MTF2: variants seen among roughly 807,000 people sequenced by gnomAD.
The protein encoded by MTF2 is metal-response element-binding transcription factor 2.
In MTF2, 11 loss-of-function variants were observed where a neutral mutation model predicts 79.5. The ratio of observed to expected loss-of-function variants is 0.14; its 90% CI spans 0.09 to 0.23. MTF2 has a LOEUF of 0.23. Ranked by LOEUF, MTF2 falls within the 10% of genes least tolerant of loss-of-function variation. The pLI is 1.00. For missense variants in MTF2, 486 were observed against 711.2 expected (o/e 0.68, Z 3.60); for synonymous variants, 208 against 232.8 (o/e 0.89, Z 0.97).
intron 1 of MTF2, among the ~76,000 whole-genome samples, chr1:93,096,371 CA>C (rs1365267206): frequency 6.6e-6 from 1 of 152,126 alleles, no homozygotes; most frequent in Non-Finnish European, 1.5e-5. Flanking sequence ...TTACAACTTC[CA>C]AGTCTTCACT....
At chr1:93,090,391 C>T (rs1272230522) in intron 1 of MTF2, among the ~76,000 whole-genome samples, 20 of 149,178 alleles carry the variant, frequency 1.3e-4, no homozygotes, top group Admixed American at 1.0e-3. Context: ...GGATTACAGG[C>T]GTGAGCCACT....
At chr1:93,079,609 A>G in intron 1 of MTF2, 78 bp downstream of exon 1, 2 of 1,569,206 alleles carry the variant, frequency 1.3e-6, no homozygotes, top group Non-Finnish European at 1.8e-6. Flanking sequence ...GGAAGCAAGT[A>G]TAAAAGGGAA....
intron 1 of MTF2, among the ~76,000 whole-genome samples, chr1:93,083,633 A>G (rs190542352): frequency 6.6e-6 from 1 of 152,164 alleles, no homozygotes; most frequent in Non-Finnish European, 1.5e-5. Context: ...GTTTTGAGGA[A>G]CTGCCAAACT....
intron 6 of MTF2, 28 bp from the exon 7 acceptor site, chr1:93,118,317 G>C (rs753166282): frequency 1.6e-6 from 2 of 1,234,708 alleles, no homozygotes; most frequent in Middle Eastern, 2.0e-4. Context: ...AGGAATTTTA[G>C]TGTTAACTTT....
chr1:93,134,424 G>A, intron 14 of MTF2: 1 of 487,700 alleles, frequency 2.1e-6, no homozygotes, highest in Non-Finnish European at 3.6e-6. Flanking sequence ...GAAATTTGCT[G>A]TGTACACAGA....
Position 93,137,377 on chromosome 1 carries a change from ACAT to A in MTF2, c.*354_*356del, listed in dbSNP as rs1237892721. 1 of 180,240 alleles carries A rather than the reference ACAT, an allele frequency of 5.5e-6. No individual in the cohort carries two copies. The highest frequency in any genetic ancestry group is 2.4e-5 in the African/African-American group (1 of 42,298). 11.2% of individuals were successfully genotyped at this position (180,240 alleles called of 1,614,324 possible). A position where few individuals can be genotyped will look rare whatever the true frequency, so the allele number is the denominator to read the frequency against. On this transcript the variant is annotated 3_prime_UTR_variant, in exon 15 of 15. Coordinates refer to ENST00000370298, the MANE Select transcript of MTF2 (RefSeq NM_007358.4). ...TTGTGATTAGTGATTATCAGAGCAA[ACAT>A]CATGTAGATAGCACAAGTATTTGGA...
At chr1:93,133,059 A>ATTTGGCTTTC (rs1647210879) in intron 11 of MTF2, among the ~76,000 whole-genome samples, 1 of 147,516 alleles carries the variant, frequency 6.8e-6, no homozygotes, top group African/African-American at 2.7e-5. Flanking sequence ...ATTTGGCTTT[A>ATTTGGCTTTC]TGTTTAAAAA....
intron 5 of MTF2, 27 bp from the exon 6 acceptor site, chr1:93,115,443 T>C: frequency 6.7e-7 from 1 of 1,495,212 alleles, no homozygotes; most frequent in South Asian, 1.3e-5. Context: ...GCCTTCACTC[T>C]TTCACATTTT....
intron 6 of MTF2, among the ~76,000 whole-genome samples, chr1:93,117,097 T>G (rs1220435792): frequency 1.3e-5 from 2 of 152,190 alleles, no homozygotes; most frequent in African/African-American, 4.8e-5. Context: ...GGTGAGCACA[T>G]GAACCTAGAA....
chr1:93,124,371 G>A (rs1422422861), intron 9 of MTF2, among the ~76,000 whole-genome samples: 1 of 152,022 alleles, frequency 6.6e-6, no homozygotes, highest in Non-Finnish European at 1.5e-5. Context: ...TTTAAAATGA[G>A]ATATTAGTAC....
chr1:93,098,517 G>A (rs911813302), intron 1 of MTF2, among the ~76,000 whole-genome samples: 5 of 152,170 alleles, frequency 3.3e-5, no homozygotes, highest in African/African-American at 1.2e-4. Context: ...GAGCCATTGA[G>A]TTTAAATACA....
chr1:93,120,369 T>C (rs1209169696), intron 8 of MTF2, 180 bp from the exon 9 acceptor site: 4 of 438,422 alleles, frequency 9.1e-6, no homozygotes, highest in Middle Eastern at 1.2e-3. Context: ...TCAGAATAAG[T>C]GAATGTTTAG....
At chr1:93,115,161 A>C (rs1383691743) in intron 5 of MTF2, 73 bp downstream of exon 5, 11 of 1,158,254 alleles carry the variant, frequency 9.5e-6, no homozygotes, top group Non-Finnish European at 1.3e-5. Context: ...GATTGTGTAC[A>C]CTGAAAGTTT....
chr1:93,105,909 C>T (rs370144953), intron 1 of MTF2, among the ~76,000 whole-genome samples: 6 of 152,242 alleles, frequency 3.9e-5, no homozygotes, highest in East Asian at 3.9e-4. Context: ...CTCCTGACCT[C>T]GTGATCTGCC....
intron 1 of MTF2, among the ~76,000 whole-genome samples, chr1:93,086,117 T>A (rs1654823382): frequency 2.0e-5 from 3 of 152,218 alleles, no homozygotes; most frequent in African/African-American, 7.2e-5. Context: ...TATAATCTTA[T>A]GGGACCACTG....
chr1:93,079,579 T>A (rs1160061205), intron 1 of MTF2, 48 bp downstream of exon 1: 6 of 1,605,538 alleles, frequency 3.7e-6, no homozygotes, highest in Non-Finnish European at 5.1e-6. Context: ...GAGATGGGGG[T>A]TGGGGGAAGG....
In MTF2 at chr1:93,138,361, T is replaced by C. The variant is rs1439750678; in HGVS notation, c.*1334T>C. 1 of 152,194 alleles carries C rather than the reference T, an allele frequency of 6.6e-6. No homozygotes were observed. The highest frequency in any genetic ancestry group is 2.4e-5 in the African/African-American group (1 of 41,464). 9.4% of individuals were successfully genotyped at this position (152,194 alleles called of 1,614,324 possible). A position where few individuals can be genotyped will look rare whatever the true frequency, so the allele number is the denominator to read the frequency against. ...CTATTCATTTTACTTTTAAAAGTGA[T>C]TGGTGGATTTTAGACTAATTATGGG... On this transcript the variant is annotated 3_prime_UTR_variant, in exon 15 of 15. Transcript: ENST00000370298.
chr1:93,114,956 C>T (rs965473879), intron 4 of MTF2, 32 bp from the exon 5 acceptor site: 14 of 1,483,698 alleles, frequency 9.4e-6, no homozygotes, highest in Admixed American at 3.6e-5. Flanking sequence ...TTAATGAAAC[C>T]GAATTTGCTT....
At chr1:93,113,304 TGG>T (rs2101061834) in intron 3 of MTF2, among the ~76,000 whole-genome samples, 1 of 151,660 alleles carries the variant, frequency 6.6e-6, no homozygotes, top group South Asian at 2.1e-4. Flanking sequence ...TGCTTGGGCT[TGG>T]GAAGTCAAGG....
Sources: gnomAD v4.1 joint callset for allele counts (sites outside exome capture counted in the v4.1 genomes callset) on GRCh38, gnomAD v4.1.1 for gene constraint, MANE v1.5 for transcripts, NCBI Gene and HGNC (gene_info 2026-07-23, HGNC 2026-07-21) for gene names.